DNAAF11: variants seen among roughly 807,000 people sequenced by gnomAD.
The protein encoded by DNAAF11 is dynein axonemal assembly factor 11.
Under a neutral mutation model 60.8 loss-of-function variants are expected in DNAAF11, and 45 were observed. The observed-to-expected ratio is 0.74, with a 90% CI of 0.58 to 0.95. The LOEUF (loss-of-function observed/expected upper bound fraction) is 0.95. Ranked by LOEUF, DNAAF11 falls within the 40% of genes least tolerant of loss-of-function variation. The pLI, the probability that DNAAF11 is intolerant of heterozygous loss-of-function variation, is 0.00. For synonymous variants in DNAAF11, 191 were observed against 183.5 expected, an observed-to-expected ratio of 1.04 and a Z score of -0.33; for missense variants, 546 against 546.2, an observed-to-expected ratio of 1.00 and a Z score of 0.00.
chr8:132,663,331 C>T (rs1824313809), intron 1 of DNAAF11, among the ~76,000 whole-genome samples: 1 of 152,204 alleles, frequency 6.6e-6, no homozygotes, highest in African/African-American at 2.4e-5. Flanking sequence ...TACTCTCTAT[C>T]CTCCTAACCA....
chr8:132,645,775 G>C (rs1490730284), intron 3 of DNAAF11, among the ~76,000 whole-genome samples: 1 of 151,924 alleles, frequency 6.6e-6, no homozygotes, highest in African/African-American at 2.4e-5. Context: ...AGCGAGAAGA[G>C]AAGTTTAGAA....
intron 10 of DNAAF11, among the ~76,000 whole-genome samples, chr8:132,589,349 A>G (rs1039992911): frequency 6.6e-6 from 1 of 152,278 alleles, no homozygotes; most frequent in Admixed American, 6.5e-5. Context: ...AATTTATTTC[A>G]TGGCACTTGG....
the DNAAF11 span, among the ~76,000 whole-genome samples, chr8:132,700,864 G>A: frequency 0.45 from 68,305 of 152,044 alleles, 18,704 homozygotes; most frequent in African/African-American, 0.78. Context: ...AATAGAAAAC[G>A]AAGTGATAGA....
rs137930868 is a variant in DNAAF11 at position 132,633,328 on chromosome 8, A to C, written c.430-365T>G. ...GCACTTCCCAAAAGCTCTCTACAGA[A>C]AAAAAAGGCCTTGAATATTACACAT... On this transcript the variant is annotated intron_variant, in intron 4 of 11. Transcript: ENST00000620350. 1.5e-3 allele frequency among the ~76,000 whole-genome samples: 224 copies of C among 152,204 alleles called. 3 individuals are homozygous for C. The East Asian group carries it at 0.038, about 26-fold the overall frequency.
At chr8:132,626,273 A>C (rs1280471438) in intron 5 of DNAAF11, among the ~76,000 whole-genome samples, 1 of 152,018 alleles carries the variant, frequency 6.6e-6, no homozygotes, top group African/African-American at 2.4e-5. Flanking sequence ...GGATGGTCTC[A>C]ATCTCCTGAC....
intron 4 of DNAAF11, among the ~76,000 whole-genome samples, chr8:132,637,034 C>T (rs527440237): frequency 5.9e-5 from 9 of 152,246 alleles, no homozygotes; most frequent in African/African-American, 1.4e-4. Context: ...TTACATGAAA[C>T]GTAACATTGC....
intron 1 of DNAAF11, among the ~76,000 whole-genome samples, chr8:132,672,625 T>C (rs779014290): frequency 3.3e-5 from 5 of 152,204 alleles, no homozygotes; most frequent in African/African-American, 1.2e-4. Flanking sequence ...TACTAGTGTC[T>C]ACCTCAAAAG....
the DNAAF11 span, among the ~76,000 whole-genome samples, chr8:132,681,471 C>T: frequency 0.018 from 2,730 of 152,112 alleles, 73 homozygotes; most frequent in African/African-American, 0.058. Flanking sequence ...TTAACTGTAT[C>T]GCTTGTGACA....
At chr8:132,638,159 G>C (rs772610839) in intron 3 of DNAAF11, 52 bp from the exon 4 acceptor site, 3 of 1,390,254 alleles carry the variant, frequency 2.2e-6, no homozygotes, top group South Asian at 1.2e-5. Context: ...AATCACACTG[G>C]TAACAAAACG....
At chr8:132,687,496 C>T in the DNAAF11 span, 1 of 402,602 alleles carries the variant, frequency 2.5e-6, no homozygotes, top group South Asian at 1.8e-5. Flanking sequence ...CTTCCCAGAG[C>T]AAGGGTTGCC....
chr8:132,612,164 C>T (rs189179674), intron 8 of DNAAF11, among the ~76,000 whole-genome samples: 111 of 152,228 alleles, frequency 7.3e-4, no homozygotes, highest in African/African-American at 2.5e-3. Context: ...ATTCCTTAAC[C>T]TCTCTAGGCC....
rs751970362 is a variant in DNAAF11 at position 132,675,518 on chromosome 8, C to A, written c.-25G>T. 6.4e-7 allele frequency: 1 copy of A among 1,555,666 alleles called. No homozygotes were observed. Among genetic ancestry groups the A allele is most frequent in the Non-Finnish European group, 8.7e-7 (1 of 1,146,064 alleles). On this transcript the variant is annotated 5_prime_UTR_variant, in exon 1 of 12. Coordinates refer to ENST00000620350, the MANE Select transcript of DNAAF11 (RefSeq NM_012472.6). Reference sequence around the variant, plus strand: ...TGGCGCCTCTCCAGTTCGCTGACCCCGCAAGCCGGACCCGGACCTCGAATG... The same window carrying A: ...TGGCGCCTCTCCAGTTCGCTGACCCAGCAAGCCGGACCCGGACCTCGAATG...
chr8:132,668,490 G>T (rs751550892), intron 1 of DNAAF11, among the ~76,000 whole-genome samples: 1 of 151,846 alleles, frequency 6.6e-6, no homozygotes, highest in African/African-American at 2.4e-5. Flanking sequence ...TCGCTCTGTC[G>T]CCCAGTGGCG....
chr8:132,693,156 T>G, the DNAAF11 span, among the ~76,000 whole-genome samples: 1 of 151,440 alleles, frequency 6.6e-6, no homozygotes, highest in African/African-American at 2.4e-5. Context: ...GGAAGGAGAA[T>G]GAAGGGCAAT....
intron 10 of DNAAF11, among the ~76,000 whole-genome samples, chr8:132,595,919 G>A (rs1407698965): frequency 6.6e-6 from 1 of 152,150 alleles, no homozygotes; most frequent in Admixed American, 6.6e-5. Context: ...GATGGTGGGA[G>A]GTGGTGTTAA....
At chr8:132,634,471 A>T (rs1312116947) in intron 4 of DNAAF11, among the ~76,000 whole-genome samples, 1 of 152,178 alleles carries the variant, frequency 6.6e-6, no homozygotes, top group Non-Finnish European at 1.5e-5. Flanking sequence ...ACCATTACTT[A>T]TGAGACCATA....
intron 10 of DNAAF11, among the ~76,000 whole-genome samples, chr8:132,591,262 A>G (rs1816437735): frequency 6.6e-6 from 1 of 152,026 alleles, no homozygotes; most frequent in Admixed American, 6.6e-5. Context: ...TTTTTTTTTA[A>G]ATAGGAATTT....
intron 8 of DNAAF11, among the ~76,000 whole-genome samples, chr8:132,612,520 C>A (rs143654587): frequency 4.7e-4 from 71 of 152,248 alleles, no homozygotes; most frequent in African/African-American, 1.4e-3. Flanking sequence ...CTCCCCCTTT[C>A]CCTGACTACT....
chr8:132,675,747 C>T, upstream of DNAAF11: 1 of 411,026 alleles, frequency 2.4e-6, no homozygotes, highest in African/African-American at 2.0e-5. Context: ...CCTCGTCGCA[C>T]TTCCGACTTG....
Sources: allele counts gnomAD v4.1 joint callset (sites outside exome capture counted in the v4.1 genomes callset), GRCh38; gene constraint gnomAD v4.1.1; transcripts MANE v1.5; gene names NCBI Gene and HGNC (gene_info 2026-07-23, HGNC 2026-07-21).